WDR86: variants seen among roughly 807,000 people sequenced by gnomAD.
WDR86 encodes the protein WD repeat-containing protein 86.
WDR86 carries 30 observed loss-of-function variants against 36.5 expected under a neutral mutation model. The observed-to-expected ratio is 0.82, with a 90% CI of 0.61 to 1.11. WDR86 has a LOEUF of 1.11. Ranked by LOEUF, WDR86 falls within the 50% of genes most tolerant of loss-of-function variation. The pLI is 0.00. For missense variants in WDR86, 545 were observed against 561.2 expected (o/e 0.97, Z 0.29); for synonymous variants, 255 against 252.9 (o/e 1.01, Z -0.08).
At chr7:151,383,214 T>C (rs1045950724) in intron 4 of WDR86, among the ~76,000 whole-genome samples, 4 of 151,720 alleles carry the variant, frequency 2.6e-5, no homozygotes, top group Admixed American at 6.6e-5. Context: ...CTCACGCCTG[T>C]AATCTCAGCA....
At chr7:151,407,838 T>C (rs1800832623) in intron 1 of WDR86, among the ~76,000 whole-genome samples, 1 of 152,020 alleles carries the variant, frequency 6.6e-6, no homozygotes, top group African/African-American at 2.4e-5. Context: ...CGAAACTCCA[T>C]CTCAAAAAAC....
rs558736700 is a variant in WDR86, at chr7:151,392,490, C to T, written c.726+3286G>A. Among the ~76,000 whole-genome samples, 243 of 152,300 alleles carry T rather than the reference C, an allele frequency of 1.6e-3. 10 individuals are homozygous for T. In the South Asian group the frequency reaches 0.049, roughly 31 times the overall value. On this transcript the variant is annotated intron_variant, in intron 3 of 5. Transcript: ENST00000334493. Reference sequence around the variant, plus strand: ...GCATCCCCATGTGGAGAGCATGTAACCCCTGAAGCCCCCTACCCGGGGGGT... The same window carrying T: ...GCATCCCCATGTGGAGAGCATGTAATCCCTGAAGCCCCCTACCCGGGGGGT...
rs985804260 is a variant in WDR86 at position 151,388,579 on chromosome 7, C to G, written c.727-3356G>C. ...AAAGGAGGCCTGTGTGCTCCTGGCTCTGTCCCCACCTGGCTTCTGGGACCC... is the reference window on the plus strand; with the variant it reads ...AAAGGAGGCCTGTGTGCTCCTGGCTGTGTCCCCACCTGGCTTCTGGGACCC... On this transcript the variant is annotated intron_variant, in intron 3 of 5. Coordinates refer to ENST00000334493, the MANE Select transcript of WDR86 (RefSeq NM_198285.3). The surrounding 1 kb of genome is among the most constrained non-coding windows in gnomAD (Gnocchi z 4.2). Among the ~76,000 whole-genome samples the G allele has an allele frequency of 1.3e-5, 2 of 152,342 alleles. No homozygotes were observed. Among genetic ancestry groups the G allele is most frequent in the African/African-American group, 4.8e-5 (2 of 41,588 alleles).
intron 1 of WDR86, among the ~76,000 whole-genome samples, chr7:151,408,322 G>T (rs1319861925): frequency 2.0e-5 from 3 of 150,542 alleles, no homozygotes; most frequent in Non-Finnish European, 4.4e-5. Flanking sequence ...TCAGCCTCCC[G>T]AGTAGTTGGA....
downstream of WDR86, among the ~76,000 whole-genome samples, chr7:151,375,082 C>A (rs1382292592): frequency 5.3e-5 from 8 of 152,206 alleles, no homozygotes; most frequent in Non-Finnish European, 1.2e-4. Flanking sequence ...TCCTCGTTTG[C>A]CCTGCTGAGG....
chr7:151,369,031 A>G, the WDR86 span: 4 of 947,296 alleles, frequency 4.2e-6, no homozygotes, highest in East Asian at 1.2e-4. Flanking sequence ...TTCTTGAGAC[A>G]GAGTCTCACT....
chr7:151,396,880 G>T (rs1333887672), intron 2 of WDR86, among the ~76,000 whole-genome samples: 2 of 152,240 alleles, frequency 1.3e-5, no homozygotes, highest in African/African-American at 4.8e-5. Flanking sequence ...CTAGCCACAT[G>T]GCTGGGAACT....
chr7:151,403,515 G>C (rs1800483613), intron 1 of WDR86, among the ~76,000 whole-genome samples: 1 of 152,084 alleles, frequency 6.6e-6, no homozygotes, highest in Admixed American at 6.6e-5. Context: ...CTGAGTTTAA[G>C]TTCAGTTACT....
chr7:151,376,427 C>T, downstream of WDR86: 1 of 562,946 alleles, frequency 1.8e-6, no homozygotes, highest in South Asian at 2.5e-5. Flanking sequence ...ATGGCTGCTC[C>T]CTGACGCACC....
intron 1 of WDR86, among the ~76,000 whole-genome samples, chr7:151,408,196 TTTC>T (rs1345913962): frequency 1.5e-5 from 2 of 137,186 alleles, no homozygotes; most frequent in Non-Finnish European, 1.6e-5. Context: ...TTTCTTTTCT[TTTC>T]TTTTTTTTTT....
upstream of WDR86, chr7:151,410,102 C>T: frequency 4.1e-6 from 4 of 984,368 alleles, no homozygotes; most frequent in Non-Finnish European, 4.8e-6. Context: ...CGGGCTGCGC[C>T]CCAGCCCCCA....
At chr7:151,408,200 T>C (rs866229665) in intron 1 of WDR86, among the ~76,000 whole-genome samples, 2,785 of 119,660 alleles carry the variant, frequency 0.023, 49 homozygotes, top group East Asian at 0.049. Context: ...TTTTCTTTTC[T>C]TTTTTTTTTT....
chr7:151,369,640 A>G, the WDR86 span, among the ~76,000 whole-genome samples: 1 of 152,192 alleles, frequency 6.6e-6, no homozygotes, highest in Non-Finnish European at 1.5e-5. Flanking sequence ...TCTATCCAAT[A>G]TGTTCTGCAG....
At chr7:151,391,403 C>T (rs1004352699) in intron 3 of WDR86, among the ~76,000 whole-genome samples, 2 of 152,208 alleles carry the variant, frequency 1.3e-5, no homozygotes, top group African/African-American at 4.8e-5. Flanking sequence ...GCCTTCTAAC[C>T]CCTGCAAAAC....
chr7:151,376,545 A>G, downstream of WDR86: 1 of 1,281,578 alleles, frequency 7.8e-7, no homozygotes, highest in East Asian at 2.5e-5. Context: ...GCTCTTAAAC[A>G]TGAGAGTCGG....
intron 2 of WDR86, among the ~76,000 whole-genome samples, chr7:151,398,857 C>G (rs999453008): frequency 3.3e-5 from 5 of 152,178 alleles, no homozygotes; most frequent in African/African-American, 1.2e-4. Context: ...TCACTGCAGG[C>G]AGGCCTTCTC....
intron 1 of WDR86, among the ~76,000 whole-genome samples, chr7:151,402,555 G>A (rs1800419213): frequency 6.6e-6 from 1 of 152,222 alleles, no homozygotes; most frequent in African/African-American, 2.4e-5. Flanking sequence ...TGGAGACCAG[G>A]AAGAGGGTGA....
the WDR86 span, chr7:151,368,956 G>A: frequency 1.4e-6 from 2 of 1,459,042 alleles, no homozygotes; most frequent in Non-Finnish European, 9.2e-7. Flanking sequence ...CCACAGGAGT[G>A]TTAATAACCA....
Position 151,392,143 on chromosome 7 carries a change from C to G in WDR86, c.726+3633G>C, listed in dbSNP as rs539408184. ...CAGCCAGGCCCGAGCCAGCCATGTG[C>G]TCCCCAAGAGTGGACCTCCCGGACC... On this transcript the variant is annotated intron_variant, in intron 3 of 5. Transcript: ENST00000334493. Among the ~76,000 whole-genome samples the G allele has an allele frequency of 1.0e-3, 154 of 152,292 alleles. 2 individuals carry two copies. Among genetic ancestry groups the G allele is most frequent in the African/African-American group, 3.6e-3 (150 of 41,556 alleles).
Sources: gnomAD v4.1 joint callset for allele counts (sites outside exome capture counted in the v4.1 genomes callset) on GRCh38, gnomAD v4.1.1 for gene constraint, Gnocchi (gnomAD v3.1) non-coding constraint, MANE v1.5 for transcripts, NCBI Gene and HGNC (gene_info 2026-07-23, HGNC 2026-07-21) for gene names.